ACSM2A: variants seen among roughly 807,000 people sequenced by gnomAD.
ACSM2A encodes acyl-coenzyme A synthetase ACSM2A, mitochondrial.
Under a neutral mutation model 76.6 loss-of-function variants are expected in ACSM2A, and 72 were observed. The ratio of observed to expected loss-of-function variants is 0.94; its 90% CI spans 0.78 to 1.14. The LOEUF (loss-of-function observed/expected upper bound fraction) is 1.14. ACSM2A is among the 50% of genes most tolerant of loss of function. The pLI is 0.00. For missense variants in ACSM2A, 684 were observed against 708.5 expected (o/e 0.97, Z 0.39); for synonymous variants, 249 against 255.9 (o/e 0.97, Z 0.26).
chr16:20,484,648 T>C (rs1393301960), intron 13 of ACSM2A, among the ~76,000 whole-genome samples: 2 of 146,722 alleles, frequency 1.4e-5, no homozygotes, highest in African/African-American at 5.1e-5. Flanking sequence ...GACGGTGAGG[T>C]TGCACTGTGA....
chr16:20,468,067 C>T (rs1532842), intron 3 of ACSM2A, among the ~76,000 whole-genome samples: 60,409 of 151,768 alleles, frequency 0.4, 13,804 homozygotes, highest in East Asian at 0.79. Context: ...ACCAAACCAA[C>T]TGCAGGAACT....
chr16:20,485,720 C>T (rs894869345), intron 13 of ACSM2A, among the ~76,000 whole-genome samples: 1 of 152,194 alleles, frequency 6.6e-6, no homozygotes, highest in African/African-American at 2.4e-5. Flanking sequence ...TCAGTCTTGA[C>T]TTATAGAAGA....
In ACSM2A at chr16:20,480,567, C is replaced by T. The variant is rs1283298794; in HGVS notation, c.1282-6C>T. On this transcript the variant is annotated splice_polypyrimidine_tract_variant and splice_region_variant and intron_variant, in intron 10 of 13. Coordinates refer to ENST00000573854, the MANE Select transcript of ACSM2A (RefSeq NM_001308172.2). ...CACAATGACTCTGTCTTTCTGTGGT[C>T]ACCAGGACAATCCCGACAAGACAGC... 10 of 1,613,628 alleles carry T rather than the reference C, an allele frequency of 6.2e-6. No homozygotes were observed. Among genetic ancestry groups the T allele is most frequent in the Non-Finnish European group, 8.5e-6 (10 of 1,179,708 alleles).
At position 20,469,564 on chromosome 16, in the gene ACSM2A, T is replaced by C. The variant is rs1457417337; in HGVS notation, c.441T>C (p.Tyr147=). The change falls in exon 4 of 14, where the codon TAT becomes TAC. Residue 147 remains tyrosine (Y), a synonymous_variant. Coordinates refer to ENST00000573854, the MANE Select transcript of ACSM2A (RefSeq NM_001308172.2). The part of the protein sequence containing the change: ...TIQMKSTDIL[Y]RLQMSKAKAI... ...AGATGAAATCCACTGACATACTGTATAGGTTGCAGATGTCTAAGGCCAAGG... is the reference window on the plus strand; with the variant it reads ...AGATGAAATCCACTGACATACTGTACAGGTTGCAGATGTCTAAGGCCAAGG... The C allele has an allele frequency of 2.5e-6, 4 of 1,613,840 alleles. No individual in the cohort carries two copies. Among genetic ancestry groups the C allele is most frequent in the South Asian group, 1.1e-5 (1 of 91,062 alleles).
chr16:20,475,575 C>A (rs2013685877), intron 7 of ACSM2A, 75 bp from the exon 8 acceptor site: 1 of 1,607,508 alleles, frequency 6.2e-7, no homozygotes, highest in African/African-American at 1.3e-5. Flanking sequence ...TCAAAGCACC[C>A]AGAAACCCAG....
chr16:20,474,780 G>A (rs958277499), intron 6 of ACSM2A, among the ~76,000 whole-genome samples: 6 of 152,182 alleles, frequency 3.9e-5, no homozygotes, highest in Non-Finnish European at 7.3e-5. Context: ...CACACACTCC[G>A]TGAGGTTATT....
rs75528767 is a variant in ACSM2A, at chr16:20,482,823, T to C, written c.1510-235T>C. 3.6e-3 allele frequency: 1,601 copies of C among 442,034 alleles called. 22 individuals carry two copies. Among genetic ancestry groups the C allele is most frequent in the African/African-American group, 0.03 (1,507 of 50,922 alleles). The allele number at this position is 442,034 out of a possible 1,614,324, so 27.4% of individuals were successfully genotyped here. A position where few individuals can be genotyped will look rare whatever the true frequency, so the allele number is the denominator to read the frequency against. ...TTATCTGTCTCTATTGTTATTGGAG[T>C]ATGAGGTGAGCCTAGTCTCAATCTT... On this transcript the variant is annotated intron_variant, in intron 12 of 13. Transcript: ENST00000573854.
Position 20,486,705 on chromosome 16 carries a change from T to C in ACSM2A, c.*27T>C, listed in dbSNP as rs2014400240. The C allele has an allele frequency of 6.2e-7, 1 of 1,611,618 alleles. No individual in the cohort carries two copies. The highest frequency in any genetic ancestry group is 1.1e-5 in the South Asian group (1 of 90,952). On this transcript the variant is annotated 3_prime_UTR_variant, in exon 14 of 14. Transcript: ENST00000573854. ...ACATCTAAGAGACATTCATTTGGAT[T>C]CCCCTCTTCTTTCTCTTTCTTTTCC...
At chr16:20,463,592 G>C (rs928526487) in intron 2 of ACSM2A, among the ~76,000 whole-genome samples, 1 of 152,042 alleles carries the variant, frequency 6.6e-6, no homozygotes, top group African/African-American at 2.4e-5. Flanking sequence ...TTCCATGGCT[G>C]TAATCTTCCT....
intron 1 of ACSM2A, among the ~76,000 whole-genome samples, chr16:20,457,080 A>G (rs2012218270): frequency 1.3e-5 from 2 of 152,054 alleles, no homozygotes; most frequent in Admixed American, 1.3e-4. Context: ...TTGGGAAGAT[A>G]CAACCCTCCT....
Position 20,486,949 on chromosome 16 carries a change from G to T in ACSM2A, c.*271G>T. On this transcript the variant is annotated 3_prime_UTR_variant, in exon 14 of 14. Coordinates refer to ENST00000573854, the MANE Select transcript of ACSM2A (RefSeq NM_001308172.2). ...ATTAAAACTGCAAGGGAAAGCAATT[G>T]AAAAAGAAATAAAGTAGGGAAAGAA... is the stretch of plus-strand genomic sequence containing the variant. 1 of 305,890 alleles carries T rather than the reference G, an allele frequency of 3.3e-6. No homozygotes were observed. The highest frequency in any genetic ancestry group is 5.9e-6 in the Non-Finnish European group (1 of 168,684). 18.9% of individuals were successfully genotyped at this position (305,890 alleles called of 1,614,324 possible).
Position 20,465,683 on chromosome 16 carries a change from G to T in ACSM2A, c.344G>T (p.Arg115Leu), listed in dbSNP as rs142505782. 2 of 1,613,840 alleles carry T rather than the reference G, an allele frequency of 1.2e-6. No homozygotes were observed. Among genetic ancestry groups the T allele is most frequent in the African/African-American group, 1.3e-5 (1 of 74,924 alleles). The change falls in exon 3 of 14, where the codon CGA becomes CTA. Residue 115 changes from arginine (R) to leucine (L), a missense_variant. Coordinates refer to ENST00000573854, the MANE Select transcript of ACSM2A (RefSeq NM_001308172.2). The part of the protein sequence containing the change: ...RGDRVAVVLP[R>L]VPEWWLVILG... ...GATCGTGTGGCAGTGGTGCTGCCCCGAGTGCCTGAGTGGTGGCTGGTGATC... is the reference window on the plus strand; with the variant it reads ...GATCGTGTGGCAGTGGTGCTGCCCCTAGTGCCTGAGTGGTGGCTGGTGATC...
chr16:20,477,714 C>T (rs1049883867), intron 9 of ACSM2A, among the ~76,000 whole-genome samples: 2 of 152,142 alleles, frequency 1.3e-5, no homozygotes, highest in Middle Eastern at 3.2e-3. Context: ...AGTATATATG[C>T]TTTAAAAACA....
chr16:20,468,854 A>G (rs900961433), intron 3 of ACSM2A, among the ~76,000 whole-genome samples: 4 of 152,248 alleles, frequency 2.6e-5, no homozygotes, highest in African/African-American at 4.8e-5. Context: ...TGTAAATTTC[A>G]GTATCATTAA....
chr16:20,453,449 G>T (rs543764393), intron 1 of ACSM2A: 2 of 150,636 alleles, frequency 1.3e-5, no homozygotes, highest in Admixed American at 6.6e-5. Context: ...AGTTTCTTAT[G>T]CCTATCTTTA....
Position 20,461,645 on chromosome 16 carries a change from A to G in ACSM2A, c.177+1354A>G, listed in dbSNP as rs182570487. On this transcript the variant is annotated intron_variant, in intron 2 of 13. Coordinates refer to ENST00000573854, the MANE Select transcript of ACSM2A (RefSeq NM_001308172.2). ...AACTCATTATAAAACCAGGCAAAGT[A>G]TATGAACAGATAGTTCACAAAAAAG... 6.5e-3 allele frequency among the ~76,000 whole-genome samples: 997 copies of G among 152,320 alleles called. 5 individuals carry two copies. Among genetic ancestry groups the G allele is most frequent in the Admixed American group, 0.013 (193 of 15,286 alleles).
At chr16:20,470,304 C>G (rs1051876143) in intron 4 of ACSM2A, among the ~76,000 whole-genome samples, 3 of 152,286 alleles carry the variant, frequency 2.0e-5, no homozygotes, top group East Asian at 1.9e-4. Context: ...CTGGGCTCTT[C>G]TTTCCACCTC....
At chr16:20,460,399 G>A in intron 2 of ACSM2A, 108 bp downstream of exon 2, 1 of 1,487,420 alleles carries the variant, frequency 6.7e-7, no homozygotes, top group Admixed American at 2.2e-5. Flanking sequence ...GTAAGGCACT[G>A]TAATAAGCTA....
chr16:20,452,520 T>C (rs1464153757), intron 1 of ACSM2A: 7 of 127,570 alleles, frequency 5.5e-5, no homozygotes, highest in Non-Finnish European at 9.6e-5. Context: ...TATATATATA[T>C]ACACACATAC....
Sources: allele counts gnomAD v4.1 joint callset (sites outside exome capture counted in the v4.1 genomes callset), GRCh38; gene constraint gnomAD v4.1.1; transcripts MANE v1.5; gene names NCBI Gene and HGNC (gene_info 2026-07-23, HGNC 2026-07-21).